Variants in DPF3 observed in about 807,000 individuals in gnomAD.
DPF3 encodes double PHD fingers 3, also known as zinc finger protein DPF3.
Under a neutral mutation model 56.8 loss-of-function variants are expected in DPF3, and 18 were observed. That is an observed-to-expected ratio of 0.32 (90% CI 0.22 to 0.47). DPF3 has a LOEUF of 0.47. Ranked by LOEUF, DPF3 falls within the 20% of genes least tolerant of loss-of-function variation. DPF3 has a pLI of 1.00. For synonymous variants in DPF3, 188 were observed against 180.2 expected, an observed-to-expected ratio of 1.04 and a Z score of -0.35; for missense variants, 403 against 488.8, an observed-to-expected ratio of 0.82 and a Z score of 1.65.
In DPF3 at chr14:72,731,111, A is replaced by G. The variant is rs796896794; in HGVS notation, c.429+696T>C. Among the ~76,000 whole-genome samples, 9 of 152,276 alleles carry G rather than the reference A, an allele frequency of 5.9e-5. No individual in the cohort carries two copies. The South Asian group carries it at 1.5e-3, about 25-fold the overall frequency. ...AACCCGGGAGGCAGAGTTTGCAGTG[A>G]GCCGAGATCGAGATCATGCCACTGC... On this transcript the variant is annotated intron_variant, in intron 4 of 10. Transcript: ENST00000556509.
intron 1 of DPF3, among the ~76,000 whole-genome samples, chr14:72,819,393 T>G (rs78595010): frequency 0.094 from 14,247 of 152,198 alleles, 823 homozygotes; most frequent in Admixed American, 0.18. Context: ...AAAAGAGACA[T>G]ACACAGATGC....
chr14:72,722,141 T>C (rs1331169183), intron 5 of DPF3, among the ~76,000 whole-genome samples: 1 of 152,136 alleles, frequency 6.6e-6, no homozygotes, highest in Non-Finnish European at 1.5e-5. Context: ...GAGATATGTG[T>C]CAGTTAAATG....
intron 1 of DPF3, among the ~76,000 whole-genome samples, chr14:72,862,209 C>T (rs1885465787): frequency 6.6e-6 from 1 of 152,134 alleles, no homozygotes; most frequent in Non-Finnish European, 1.5e-5. Flanking sequence ...TCCCTAACCC[C>T]CCCTGCATGC....
At chr14:72,633,422 G>T (rs916447640) in intron 8 of DPF3, among the ~76,000 whole-genome samples, 3 of 152,072 alleles carry the variant, frequency 2.0e-5, no homozygotes, top group Non-Finnish European at 4.4e-5. Context: ...AGAGAAAAGG[G>T]TCTAGGACTG....
chr14:72,746,332 G>A (rs1445787873), intron 3 of DPF3, among the ~76,000 whole-genome samples: 2 of 152,220 alleles, frequency 1.3e-5, no homozygotes, highest in Admixed American at 1.3e-4. Context: ...TGACTCCAGG[G>A]CACTCCGACG....
chr14:72,671,816 C>T (rs546832329), intron 8 of DPF3, among the ~76,000 whole-genome samples: 1 of 152,252 alleles, frequency 6.6e-6, no homozygotes, highest in East Asian at 1.9e-4. Context: ...GGTGGTTAAG[C>T]CTCCATCTAT....
chr14:72,835,797 T>A (rs1176736027), intron 1 of DPF3, among the ~76,000 whole-genome samples: 1 of 152,114 alleles, frequency 6.6e-6, no homozygotes, highest in African/African-American at 2.4e-5. Flanking sequence ...CAACTATGAC[T>A]TGACCCGCAG....
At chr14:72,890,501 G>GATGATAATAATAATA (rs147775004) in intron 1 of DPF3, among the ~76,000 whole-genome samples, 3 of 146,492 alleles carry the variant, frequency 2.0e-5, no homozygotes, top group East Asian at 2.0e-4. Flanking sequence ...AAAAAATAAT[G>GATGATAATAATAATA]ATAATAATAA....
chr14:72,823,547 TA>T (rs1371159043), intron 1 of DPF3, among the ~76,000 whole-genome samples: 1 of 152,156 alleles, frequency 6.6e-6, no homozygotes, highest in African/African-American at 2.4e-5. Flanking sequence ...CGCCCACTGT[TA>T]TATACGGGCT....
intron 9 of DPF3, among the ~76,000 whole-genome samples, chr14:72,626,054 T>G (rs1233477790): frequency 2.0e-5 from 3 of 152,240 alleles, no homozygotes; most frequent in African/African-American, 7.2e-5. Context: ...GTTATTCTTT[T>G]CTTCCTCACT....
chr14:72,609,099 G>A lies in DPF3; in HGVS notation c.*10198C>T, dbSNP rs930866468. On this transcript the variant is annotated 3_prime_UTR_variant, in exon 11 of 11. Coordinates refer to ENST00000556509, the MANE Select transcript of DPF3 (RefSeq NM_001280542.3). The stretch of plus-strand genomic sequence containing the variant: ...TGCAGACAAAAGATTCACTACGTGG[G>A]TAGTCAACATTGCTAACCAATCACA... 6.6e-6 allele frequency among the ~76,000 whole-genome samples: 1 copy of A among 152,198 alleles called. No homozygotes were observed. The highest frequency in any genetic ancestry group is 2.4e-5 in the African/African-American group (1 of 41,440).
chr14:72,812,078 C>T (rs773113341), intron 1 of DPF3, among the ~76,000 whole-genome samples: 4 of 152,110 alleles, frequency 2.6e-5, no homozygotes, highest in Non-Finnish European at 5.9e-5. Context: ...CCCAAGTGAG[C>T]TCCAGGAGGC....
Position 72,880,036 on chromosome 14 carries a change from CCTGT to C in DPF3, c.32+14017_32+14020del, listed in dbSNP as rs1480270325. On this transcript the variant is annotated intron_variant, in intron 1 of 10. Coordinates refer to ENST00000556509, the MANE Select transcript of DPF3 (RefSeq NM_001280542.3). ...ACTGTGGTATAGAATCCAGTTTCTC[CCTGT>C]CTGTCTCCTGCATATGGCTCAGTAA... is the stretch of plus-strand genomic sequence containing the variant. 3.0e-6 allele frequency: 4 copies of C among 1,351,986 alleles called. No homozygotes were observed. In the African/African-American group the frequency reaches 5.9e-5, roughly 20 times the overall value. The allele number at this position is 1,351,986 out of a possible 1,614,324, so 83.7% of individuals were successfully genotyped here. A position where few individuals can be genotyped will look rare whatever the true frequency, so the allele number is the denominator to read the frequency against.
At chr14:72,792,738 G>A (rs1321752249) in intron 1 of DPF3, among the ~76,000 whole-genome samples, 3 of 152,048 alleles carry the variant, frequency 2.0e-5, no homozygotes, top group Non-Finnish European at 2.9e-5. Context: ...GATGGAGCCA[G>A]GTCCAGTTAG....
intron 8 of DPF3, among the ~76,000 whole-genome samples, chr14:72,637,199 T>C (rs1343053640): frequency 6.6e-6 from 1 of 152,226 alleles, no homozygotes; most frequent in Non-Finnish European, 1.5e-5. Context: ...CCCCAAGTTT[T>C]CGTGGTCAGG....
intron 2 of DPF3, among the ~76,000 whole-genome samples, chr14:72,760,134 C>T (rs574280454): frequency 6.6e-6 from 1 of 152,120 alleles, no homozygotes. Context: ...AGATGTTTTT[C>T]TTATTATTTT....
At chr14:72,644,637 C>G (rs976752794) in intron 8 of DPF3, among the ~76,000 whole-genome samples, 1 of 152,134 alleles carries the variant, frequency 6.6e-6, no homozygotes, top group Non-Finnish European at 1.5e-5. Context: ...TACAAAAACA[C>G]CCATCAATAT....
intron 8 of DPF3, chr14:72,670,468 G>A (rs948545852): frequency 3.0e-6 from 3 of 985,930 alleles, no homozygotes; most frequent in Non-Finnish European, 3.6e-6. Context: ...CTCGCAAGCA[G>A]AGAGGAAGAT....
chr14:72,850,714 G>C (rs1388883027), intron 1 of DPF3, among the ~76,000 whole-genome samples: 2 of 152,192 alleles, frequency 1.3e-5, no homozygotes, highest in African/African-American at 4.8e-5. Flanking sequence ...CTGTGGTTCA[G>C]ATTATACACC....
Sources: allele counts gnomAD v4.1 joint callset (sites outside exome capture counted in the v4.1 genomes callset), GRCh38; gene constraint gnomAD v4.1.1; transcripts MANE v1.5; gene names NCBI Gene and HGNC (gene_info 2026-07-23, HGNC 2026-07-21).